Variants in VWA8 observed in about 807,000 individuals in gnomAD.
The protein encoded by VWA8 is von Willebrand factor A domain containing 8.
In VWA8, 221 loss-of-function variants were observed where a neutral mutation model predicts 241.5. The ratio of observed to expected loss-of-function variants is 0.91; its 90% confidence interval spans 0.82 to 1.02. VWA8 has a LOEUF of 1.02. Ranked by LOEUF, VWA8 falls within the 50% of genes least tolerant of loss-of-function variation. The pLI is 0.00. For synonymous variants in VWA8, 852 were observed against 827.1 expected, an observed-to-expected ratio of 1.03 and a Z score of -0.52; for missense variants, 2,322 against 2,328.7, an observed-to-expected ratio of 1.00 and a Z score of 0.06.
At chr13:41,835,384 T>C (rs928513784) in intron 12 of VWA8, among the ~76,000 whole-genome samples, 3 of 152,182 alleles carry the variant, frequency 2.0e-5, no homozygotes, top group East Asian at 3.8e-4. Flanking sequence ...TTTTGACACA[T>C]TGTCAAAATT....
chr13:41,677,224 A>G (rs2045066469), intron 35 of VWA8, among the ~76,000 whole-genome samples: 2 of 152,148 alleles, frequency 1.3e-5, no homozygotes, highest in South Asian at 4.1e-4. Context: ...AGGGGTCCAG[A>G]GCCCTCAACT....
At chr13:41,658,171 AC>A (rs1356695335) in intron 37 of VWA8, among the ~76,000 whole-genome samples, 1 of 152,200 alleles carries the variant, frequency 6.6e-6, no homozygotes, top group Non-Finnish European at 1.5e-5. Flanking sequence ...ACTTTCAGAA[AC>A]GTTTAGCTGG....
At chr13:41,874,144 C>A (rs1475403791) in intron 9 of VWA8, among the ~76,000 whole-genome samples, 1 of 151,510 alleles carries the variant, frequency 6.6e-6, no homozygotes, top group Non-Finnish European at 1.5e-5. Context: ...ACGCTTCATG[C>A]TAAAAACTCT....
intron 9 of VWA8, among the ~76,000 whole-genome samples, chr13:41,876,225 G>A (rs532528614): frequency 6.6e-6 from 1 of 152,136 alleles, no homozygotes; most frequent in South Asian, 2.1e-4. Flanking sequence ...CAACCAGAAT[G>A]AGCCTGTTAA....
At chr13:41,603,031 A>T (rs1418139701) in intron 40 of VWA8, among the ~76,000 whole-genome samples, 1 of 152,094 alleles carries the variant, frequency 6.6e-6, no homozygotes, top group Non-Finnish European at 1.5e-5. Context: ...CTCTTTTTAG[A>T]TCTCCACAGA....
intron 42 of VWA8, among the ~76,000 whole-genome samples, chr13:41,581,985 TTTCAC>T (rs1362922251): frequency 6.6e-6 from 1 of 152,198 alleles, no homozygotes; most frequent in Non-Finnish European, 1.5e-5. Context: ...CTATTCTACT[TTTCAC>T]TTTAATTTGA....
intron 21 of VWA8, among the ~76,000 whole-genome samples, chr13:41,741,198 G>GTT (rs1218665312): frequency 6.6e-6 from 1 of 152,122 alleles, no homozygotes; most frequent in African/African-American, 2.4e-5. Flanking sequence ...GTTCACTGAT[G>GTT]TTATCACTCA....
At chr13:41,625,883 C>A in intron 37 of VWA8, among the ~76,000 whole-genome samples, 1 of 151,670 alleles carries the variant, frequency 6.6e-6, no homozygotes. Flanking sequence ...ACATATACAC[C>A]ATGGAATACT....
chr13:41,832,018 C>A (rs1278979900), intron 13 of VWA8, among the ~76,000 whole-genome samples: 1 of 151,794 alleles, frequency 6.6e-6, no homozygotes, highest in African/African-American at 2.4e-5. Context: ...GCAACCTCCA[C>A]CTCCCGGGTT....
chr13:41,847,185 T>C (rs1593813761), intron 12 of VWA8, among the ~76,000 whole-genome samples: 4 of 152,060 alleles, frequency 2.6e-5, no homozygotes. Context: ...ACATGGATCT[T>C]ACACTCCAGT....
intron 12 of VWA8, among the ~76,000 whole-genome samples, chr13:41,857,227 A>G (rs1872791310): frequency 6.6e-6 from 1 of 152,222 alleles, no homozygotes; most frequent in Non-Finnish European, 1.5e-5. Context: ...TCTTCATTAT[A>G]TACTAGTTTT....
intron 20 of VWA8, among the ~76,000 whole-genome samples, chr13:41,769,898 G>T (rs1044911021): frequency 3.9e-5 from 6 of 152,074 alleles, no homozygotes. Flanking sequence ...AACCAATTAT[G>T]GATGAAATCA....
intron 39 of VWA8, among the ~76,000 whole-genome samples, chr13:41,607,572 A>T (rs1446611974): frequency 2.0e-5 from 3 of 152,178 alleles, no homozygotes; most frequent in African/African-American, 7.2e-5. Flanking sequence ...TTATATGTCA[A>T]TATGCTTCTT....
At chr13:41,829,330 T>C (rs1003175395) in intron 14 of VWA8, among the ~76,000 whole-genome samples, 6 of 152,132 alleles carry the variant, frequency 3.9e-5, no homozygotes, top group Non-Finnish European at 8.8e-5. Flanking sequence ...GAAAACAGTA[T>C]GGAGAGTCCT....
Position 41,816,694 on chromosome 13 carries a change from T to G in VWA8, c.1947+4A>C. The G allele has an allele frequency of 6.2e-7, 1 of 1,612,516 alleles. No homozygotes were observed. Among genetic ancestry groups the G allele is most frequent in the Non-Finnish European group, 8.5e-7 (1 of 1,179,078 alleles). Reference sequence around the variant, plus strand: ...AAAATCCTGTGGAAAAAGCCTAGACTTACCGTTGGATCCTGTGTTTCTCTG... The same window carrying G: ...AAAATCCTGTGGAAAAAGCCTAGACGTACCGTTGGATCCTGTGTTTCTCTG... On this transcript the variant is annotated splice_donor_region_variant and intron_variant, in intron 16 of 44. Coordinates refer to ENST00000379310, the MANE Select transcript of VWA8 (RefSeq NM_015058.2).
At chr13:41,816,967 C>T (rs1870724247) in intron 15 of VWA8, among the ~76,000 whole-genome samples, 192 bp from the exon 16 acceptor site, 1 of 152,162 alleles carries the variant, frequency 6.6e-6, no homozygotes, top group Non-Finnish European at 1.5e-5. Context: ...GAAACCCCTG[C>T]TTTCTCTTTA....
chr13:41,768,453 TAA>T (rs1056076789), intron 20 of VWA8, among the ~76,000 whole-genome samples: 4 of 152,184 alleles, frequency 2.6e-5, no homozygotes, highest in African/African-American at 7.2e-5. Context: ...CTAATCACAT[TAA>T]GTTTGTAATT....
intron 37 of VWA8, among the ~76,000 whole-genome samples, chr13:41,652,807 A>G (rs1299470828): frequency 6.6e-6 from 1 of 152,248 alleles, no homozygotes; most frequent in Non-Finnish European, 1.5e-5. Flanking sequence ...ATCTTCTGAT[A>G]GAAAGGACAT....
rs771629956 is a variant in VWA8 at position 41,570,536 on chromosome 13, G to A, written c.5541C>T (p.Ile1847=). The A allele has an allele frequency of 6.2e-6, 10 of 1,614,162 alleles. No individual in the cohort carries two copies. The highest frequency in any genetic ancestry group is 3.3e-4 in the Middle Eastern group (2 of 6,062). ...YGIHPAKFAQ[I]LTRDPQVNAF... is the part of the protein sequence containing the mutation. Reference sequence around the variant, plus strand: ...CATTTACTTGAGGGTCTCTTGTGAGGATTTGAGCAAACTTAGCAGGATGTA... The same window carrying A: ...CATTTACTTGAGGGTCTCTTGTGAGAATTTGAGCAAACTTAGCAGGATGTA... Residue 1847 remains isoleucine, a synonymous_variant, in exon 44 of 45, where the codon ATC becomes ATT. Coordinates refer to ENST00000379310, the MANE Select transcript of VWA8 (RefSeq NM_015058.2).
Sources: gnomAD v4.1 joint callset for allele counts (sites outside exome capture counted in the v4.1 genomes callset) on GRCh38, gnomAD v4.1.1 for gene constraint, MANE v1.5 for transcripts, NCBI Gene and HGNC (gene_info 2026-07-23, HGNC 2026-07-21) for gene names.